The following EPS15 variants were observed in gnomAD, a reference collection of about 807,000 sequenced individuals.
EPS15 encodes epidermal growth factor receptor pathway substrate 15, also known as epidermal growth factor receptor substrate 15.
EPS15 carries 72 observed loss-of-function variants against 113.8 expected under a neutral mutation model. The ratio of observed to expected loss-of-function variants is 0.63; its 90% CI spans 0.52 to 0.77. The LOEUF (loss-of-function observed/expected upper bound fraction) is 0.77, where lower values mean the gene tolerates loss of function less well. Among genes scored for constraint, EPS15 ranks in the 30% least tolerant of loss-of-function variants. The pLI, the probability that EPS15 is intolerant of heterozygous loss-of-function variation, is 0.00. For missense variants in EPS15, 1,048 were observed against 1,045.8 expected, an observed-to-expected ratio of 1.00 and a Z score of -0.03; for synonymous variants, 344 against 363.4, an observed-to-expected ratio of 0.95 and a Z score of 0.61.
chr1:51,486,141 G>A (rs1033842761), intron 1 of EPS15, among the ~76,000 whole-genome samples: 10 of 151,802 alleles, frequency 6.6e-5, no homozygotes, highest in African/African-American at 2.4e-4. Context: ...TTACAGGCCA[G>A]GCACAGTGGC....
chr1:51,447,478 T>C (rs1653158958), intron 9 of EPS15, among the ~76,000 whole-genome samples: 1 of 152,162 alleles, frequency 6.6e-6, no homozygotes, highest in Non-Finnish European at 1.5e-5. Context: ...CCCAGCAGTG[T>C]TAACCATAGC....
intron 24 of EPS15, among the ~76,000 whole-genome samples, chr1:51,359,867 T>G (rs1363719567): frequency 6.6e-6 from 1 of 152,018 alleles, no homozygotes; most frequent in Non-Finnish European, 1.5e-5. Flanking sequence ...GAGTACAGAT[T>G]CAAAAGCTGG....
At chr1:51,427,018 C>G (rs1018140120) in intron 12 of EPS15, among the ~76,000 whole-genome samples, 3 of 151,978 alleles carry the variant, frequency 2.0e-5, no homozygotes, top group African/African-American at 7.3e-5. Flanking sequence ...TTTGCCTAAA[C>G]CAGCTCCAGT....
chr1:51,395,429 A>G (rs1198029509), intron 20 of EPS15, among the ~76,000 whole-genome samples: 1 of 152,206 alleles, frequency 6.6e-6, no homozygotes. Context: ...ACTTAATATC[A>G]TAAAATGTTA....
chr1:51,368,728 G>T (rs990186126), intron 21 of EPS15, among the ~76,000 whole-genome samples: 2 of 151,780 alleles, frequency 1.3e-5, no homozygotes, highest in Non-Finnish European at 1.5e-5. Flanking sequence ...CTCCCACGTA[G>T]CTGGGAATAC....
At chr1:51,380,492 T>G (rs1005572142) in intron 21 of EPS15, among the ~76,000 whole-genome samples, 2 of 152,074 alleles carry the variant, frequency 1.3e-5, no homozygotes, top group Non-Finnish European at 1.5e-5. Flanking sequence ...CAGTTTAAAA[T>G]AGACTGTTAT....
chr1:51,372,532 A>T (rs1646682964), intron 21 of EPS15: 1 of 530,654 alleles, frequency 1.9e-6, no homozygotes, highest in South Asian at 1.4e-5. Context: ...GCCAAAGAAT[A>T]GTTGGGTGGT....
chr1:51,472,008 A>ATTT (rs57128370), intron 3 of EPS15, among the ~76,000 whole-genome samples: 24 of 145,280 alleles, frequency 1.7e-4, no homozygotes, highest in Middle Eastern at 3.6e-3. Flanking sequence ...TTCTTTTATG[A>ATTT]TTTTTTTTTT....
intron 8 of EPS15, among the ~76,000 whole-genome samples, chr1:51,453,641 A>G (rs1653749364): frequency 6.6e-6 from 1 of 152,184 alleles, no homozygotes. Flanking sequence ...TTTATTTCAA[A>G]GTAAAAGTAT....
At chr1:51,380,081 G>A (rs989529082) in intron 21 of EPS15, among the ~76,000 whole-genome samples, 12 of 151,588 alleles carry the variant, frequency 7.9e-5, no homozygotes, top group East Asian at 7.7e-4. Context: ...AAAATTAGTC[G>A]GGCATGGTGG....
Position 51,360,497 on chromosome 1 carries a change from T to A in EPS15, c.2544+674A>T, listed in dbSNP as rs147266486. ...TGCTGTTATCATGGCACCCTTCCAC[T>A]GTTTCTAACGATCTTCCTATTTTAG... On this transcript the variant is annotated intron_variant, in intron 24 of 24. Coordinates refer to ENST00000371733, the MANE Select transcript of EPS15 (RefSeq NM_001981.3). Among the ~76,000 whole-genome samples the A allele has an allele frequency of 3.6e-3, 548 of 152,318 alleles. 3 individuals carry two copies. Among genetic ancestry groups the A allele is most frequent in the African/African-American group, 0.012 (505 of 41,568 alleles).
At chr1:51,371,909 T>C (rs1105680) in intron 21 of EPS15, among the ~76,000 whole-genome samples, 4,861 of 152,284 alleles carry the variant, frequency 0.032, 127 homozygotes, top group Non-Finnish European at 0.05. Flanking sequence ...TTTTACTCTA[T>C]GTTTAGATAC....
chr1:51,479,881 GGTA>G (rs1188311299), intron 2 of EPS15, among the ~76,000 whole-genome samples: 1 of 152,130 alleles, frequency 6.6e-6, no homozygotes, highest in East Asian at 1.9e-4. Context: ...TAGCCTCACG[GGTA>G]GTAAAGTAAG....
rs1557537547 is a variant in EPS15, at chr1:51,508,385, A to AAAGG, written c.33+10813_33+10814insCCTT. Among the ~76,000 whole-genome samples the AAAGG allele has an allele frequency of 3.1e-3, 458 of 146,362 alleles. 2 individuals carry two copies. Among genetic ancestry groups the AAAGG allele is most frequent in the African/African-American group, 0.011 (427 of 38,296 alleles). ...GAAAGAAAGAAAGAAAGAAAGAAAG[A>AAAGG]GAAAATTTAAACAAATACATATAAA... On this transcript the variant is annotated intron_variant, in intron 1 of 24. Coordinates refer to ENST00000371733, the MANE Select transcript of EPS15 (RefSeq NM_001981.3).
intron 12 of EPS15, among the ~76,000 whole-genome samples, chr1:51,438,159 A>T (rs1213013464): frequency 6.6e-6 from 1 of 152,206 alleles, no homozygotes; most frequent in Non-Finnish European, 1.5e-5. Flanking sequence ...TACACTGTAG[A>T]TCTCATCTAA....
intron 1 of EPS15, among the ~76,000 whole-genome samples, chr1:51,495,684 CA>C (rs112390241): frequency 4.8e-5 from 7 of 145,492 alleles, no homozygotes; most frequent in South Asian, 2.2e-4. Context: ...AAGAATTTGG[CA>C]AAAAAAAAAC....
rs764271541 is a variant in EPS15, at chr1:51,403,471, G to A, written c.1739C>T (p.Ala580Val). Reference protein sequence around the residue: ...GVTDENEVTTAVTEKVCSELD... With the variant: ...GVTDENEVTTVVTEKVCSELD... ...TTCAGAACAAACTTTTTCAGTAACA[G>A]CTGTAGTCACCTCATTTTCATCAGT... is the stretch of plus-strand genomic sequence containing the variant. Residue 580 changes from alanine (A) to valine (V), a missense_variant, in exon 17 of 25, where the codon GCT becomes GTT. Transcript: ENST00000371733. 5.6e-6 allele frequency: 9 copies of A among 1,610,752 alleles called. No homozygotes were observed. Among genetic ancestry groups the A allele is most frequent in the Non-Finnish European group, 7.6e-6 (9 of 1,178,466 alleles).
At chr1:51,493,196 CT>C in intron 1 of EPS15, among the ~76,000 whole-genome samples, 1 of 152,334 alleles carries the variant, frequency 6.6e-6, no homozygotes, top group South Asian at 2.1e-4. Flanking sequence ...CCCATCTCTA[CT>C]AAAAATACAA....
At chr1:51,470,123 G>T (rs572789098) in intron 4 of EPS15, among the ~76,000 whole-genome samples, 1 of 152,222 alleles carries the variant, frequency 6.6e-6, no homozygotes, top group East Asian at 1.9e-4. Context: ...CAGTATGGAT[G>T]GGCTATGAAG....
Sources: gnomAD v4.1 joint callset for allele counts (sites outside exome capture counted in the v4.1 genomes callset) on GRCh38, gnomAD v4.1.1 for gene constraint, MANE v1.5 for transcripts, NCBI Gene and HGNC (gene_info 2026-07-23, HGNC 2026-07-21) for gene names.